USP54: variants seen among roughly 807,000 people sequenced by gnomAD.
The protein encoded by USP54 is ubiquitin carboxyl-terminal hydrolase 54.
In USP54, 87 loss-of-function variants were observed where a neutral mutation model predicts 170.5. The observed-to-expected ratio is 0.51, with a 90% CI of 0.43 to 0.61. The LOEUF (loss-of-function observed/expected upper bound fraction) is 0.61. Ranked by LOEUF, USP54 falls within the 20% of genes least tolerant of loss-of-function variation. The probability of loss-of-function intolerance (pLI) is 0.00; values close to 1 mark genes in which losing one functional copy is unlikely to be tolerated. For missense variants in USP54, 1,786 were observed against 2,047.8 expected (o/e 0.87, Z 2.47); for synonymous variants, 655 against 742.8 (o/e 0.88, Z 1.92).
chr10:73,579,675 T>G (rs1409954027), intron 1 of USP54, among the ~76,000 whole-genome samples: 2 of 151,996 alleles, frequency 1.3e-5, no homozygotes, highest in African/African-American at 4.8e-5. Flanking sequence ...GAGAATCGCT[T>G]GAACCCGGGA....
At chr10:73,539,859 C>G (rs908880196) in intron 9 of USP54, among the ~76,000 whole-genome samples, 1 of 152,144 alleles carries the variant, frequency 6.6e-6, no homozygotes, top group Admixed American at 6.5e-5. Context: ...AGTGTGGTGG[C>G]TCACGCCTGT....
At chr10:73,515,021 C>T (rs2060832811) in intron 20 of USP54, among the ~76,000 whole-genome samples, 1 of 150,600 alleles carries the variant, frequency 6.6e-6, no homozygotes, top group African/African-American at 2.4e-5. Context: ...GCCTGGGCAA[C>T]AGGAGTGCAA....
rs566608389 is a variant in USP54, at chr10:73,541,932, C to A, written c.573-194G>T. 4.7e-4 allele frequency: 276 copies of A among 586,368 alleles called. 1 individual carries two copies. In the South Asian group the frequency reaches 5.3e-3, roughly 11 times the overall value. 36.3% of individuals were successfully genotyped at this position (586,368 alleles called of 1,614,324 possible). On this transcript the variant is annotated intron_variant, in intron 7 of 23. Coordinates refer to ENST00000687698, the MANE Select transcript of USP54 (RefSeq NM_001391956.1). ...TCCCCAGATCCAAAGCTCATAGAAT[C>A]CCCACTCCTCCTCCCACTTTGCTGG...
rs2074300404 is a variant in USP54, at chr10:73,568,312, TC to T, written c.240+3108del. Among the ~76,000 whole-genome samples, 2 of 152,202 alleles carry T rather than the reference TC, an allele frequency of 1.3e-5. 1 individual carries two copies. Among genetic ancestry groups the T allele is most frequent in the Admixed American group, 1.3e-4 (2 of 15,278 alleles). On this transcript the variant is annotated intron_variant, in intron 4 of 23. Coordinates refer to ENST00000687698, the MANE Select transcript of USP54 (RefSeq NM_001391956.1). ...AGTTTACTCCTTCATATGTTTATCA[TC>T]CTTTCCCTTCTCTCAGAAAATGAAG...
At position 73,545,530 on chromosome 10, in the gene USP54, G is replaced by A. The variant is rs140688721; in HGVS notation, c.375+8C>T. ...CCATATCAAAGAGGGCCAGAGGCCAGCACTTACAAAGCACTCTGCAGCATC... is the reference window on the plus strand; with the variant it reads ...CCATATCAAAGAGGGCCAGAGGCCAACACTTACAAAGCACTCTGCAGCATC... On this transcript the variant is annotated splice_region_variant and intron_variant, in intron 5 of 23. Transcript: ENST00000687698. 3.6e-5 allele frequency: 58 copies of A among 1,613,944 alleles called. No individual in the cohort carries two copies. The highest frequency in any genetic ancestry group is 4.2e-5 in the Non-Finnish European group (50 of 1,179,856).
At chr10:73,536,207 G>A in intron 11 of USP54, 62 bp downstream of exon 11, 1 of 1,582,704 alleles carries the variant, frequency 6.3e-7, no homozygotes, top group Middle Eastern at 1.7e-4. Context: ...TTAACTATGA[G>A]TCCCAACTGT....
intron 10 of USP54, among the ~76,000 whole-genome samples, chr10:73,537,055 A>G (rs993956543): frequency 6.6e-5 from 10 of 152,228 alleles, no homozygotes; most frequent in Admixed American, 6.5e-4. Context: ...CACAGAATCA[A>G]TTCAACCCAA....
intron 4 of USP54, among the ~76,000 whole-genome samples, chr10:73,560,226 A>G (rs2072508962): frequency 6.6e-6 from 1 of 152,208 alleles, no homozygotes; most frequent in Admixed American, 6.5e-5. Context: ...ACAGAATACC[A>G]GATAAATGCT....
chr10:73,580,625 C>A (rs542317346), intron 1 of USP54, among the ~76,000 whole-genome samples: 1 of 151,968 alleles, frequency 6.6e-6, no homozygotes, highest in Non-Finnish European at 1.5e-5. Context: ...CAGGCTGGAG[C>A]GCAATGGTGT....
rs368383413 is a variant in USP54 at position 73,530,504 on chromosome 10, C to T, written c.1467G>A (p.Lys489=). Residue 489 remains lysine (K), a synonymous_variant, in exon 14 of 24, where the codon AAG becomes AAA. Coordinates refer to ENST00000687698, the MANE Select transcript of USP54 (RefSeq NM_001391956.1). ...YHSEGETLKE[K]QAPRNASKPS... is the part of the protein sequence containing the mutation. ...GTTTGGAGGCATTTCTAGGAGCCTG[C>T]TTCTCTTTCAGTGTTTCTCCTAAAA... The T allele has an allele frequency of 6.2e-7, 1 of 1,609,098 alleles. No individual in the cohort carries two copies. Among genetic ancestry groups the T allele is most frequent in the Non-Finnish European group, 8.5e-7 (1 of 1,178,542 alleles).
chr10:73,546,800 A>G (rs912309115), intron 4 of USP54, among the ~76,000 whole-genome samples: 8 of 152,040 alleles, frequency 5.3e-5, no homozygotes, highest in Admixed American at 2.0e-4. Context: ...ACCCACATCT[A>G]TTTATCCATT....
At chr10:73,623,962 AGAGCTTGTTATTG>A (rs1391071339) in intron 1 of USP54, among the ~76,000 whole-genome samples, 1 of 151,938 alleles carries the variant, frequency 6.6e-6, no homozygotes, top group Admixed American at 6.6e-5. Context: ...GGAGTTCAGT[AGAGCTTGTTATTG>A]GATTCATGCA....
chr10:73,619,025 C>T (rs1015319473), intron 1 of USP54, among the ~76,000 whole-genome samples: 3 of 149,866 alleles, frequency 2.0e-5, no homozygotes, highest in Non-Finnish European at 4.4e-5. Context: ...CCAGCCTAGC[C>T]AACGTGGTGA....
In USP54 at chr10:73,504,984, G is replaced by T; in HGVS notation, c.4177C>A (p.Pro1393Thr). ...CACTCCCTGCTGAGGCCTCGGCAAG[G>T]TGTAGCCTTCAAACACACAGACACA... is the stretch of plus-strand genomic sequence containing the variant. ...ARTVRTSQAT[P>T]CRGLSRECGE... is the part of the protein sequence containing the mutation. The change falls in exon 22 of 24, where the codon CCT becomes ACT. Residue 1393 changes from proline (P) to threonine (T), a missense_variant. Transcript: ENST00000687698. 1 of 1,614,098 alleles carries T rather than the reference G, an allele frequency of 6.2e-7. No individual in the cohort carries two copies. The highest frequency in any genetic ancestry group is 8.5e-7 in the Non-Finnish European group (1 of 1,180,014).
Position 73,529,770 on chromosome 10 carries a change from C to A in USP54, c.1970G>T (p.Arg657Leu), listed in dbSNP as rs199597128. The change falls in exon 15 of 24, where the codon CGA becomes CTA. Residue 657 changes from arginine to leucine, a missense_variant. This residue lies in a region of USP54 where 1,418 missense variants were observed against 1,569.0 expected (regional missense o/e 0.90). Transcript: ENST00000687698. The stretch of plus-strand genomic sequence containing the variant: ...ACTGCTTTCATAGCCAGATTCCATT[C>A]GCTGGATTAGTCGGGGGTGCTGCTC... Reference protein sequence around the residue: ...LLEQHPRLIQRMESGYESSER... With the variant: ...LLEQHPRLIQLMESGYESSER... The A allele has an allele frequency of 2.5e-6, 4 of 1,614,004 alleles. No homozygotes were observed. The highest frequency in any genetic ancestry group is 3.4e-6 in the Non-Finnish European group (4 of 1,179,892).
chr10:73,504,525 T>C (rs946928970), intron 22 of USP54: 2 of 267,444 alleles, frequency 7.5e-6, no homozygotes, highest in African/African-American at 2.2e-5. Flanking sequence ...TCTTTCCTTC[T>C]TTCTTTGATT....
intron 4 of USP54, among the ~76,000 whole-genome samples, chr10:73,556,404 T>C (rs1414576456): frequency 6.6e-6 from 1 of 150,854 alleles, no homozygotes; most frequent in Non-Finnish European, 1.5e-5. Flanking sequence ...AATCATGCAG[T>C]GGCACCATTT....
chr10:73,545,612 T>G lies in USP54; in HGVS notation c.301A>C (p.Ser101Arg). 3 of 1,614,224 alleles carry G rather than the reference T, an allele frequency of 1.9e-6. No individual in the cohort carries two copies. Among genetic ancestry groups the G allele is most frequent in the Non-Finnish European group, 2.5e-6 (3 of 1,180,042 alleles). ...TCCTGGAAAGTCTTTGCCAGAGCAC[T>G]GCGGAGAGTGTCAGATGGAAGCACT... ...EKVLPSDTLR[S>R]ALAKTFQDEQ... The change falls in exon 5 of 24, where the codon AGT becomes CGT. Residue 101 changes from serine (S) to arginine (R), a missense_variant. Around this residue, in one of 3 missense-constraint regions of USP54, gnomAD observed 361 missense variants for 455.0 expected, o/e 0.79. Coordinates refer to ENST00000687698, the MANE Select transcript of USP54 (RefSeq NM_001391956.1).
At chr10:73,593,414 G>C (rs988542649), upstream of USP54, among the ~76,000 whole-genome samples, 1 of 148,280 alleles carries the variant, frequency 6.7e-6, no homozygotes, top group Non-Finnish European at 1.5e-5. Context: ...AAAATAGAAA[G>C]AAAAGGTTTT....
Sources: allele counts gnomAD v4.1 joint callset (sites outside exome capture counted in the v4.1 genomes callset), GRCh38; gene constraint gnomAD v4.1.1; regional missense constraint gnomAD v4.1.1; transcripts MANE v1.5; gene names NCBI Gene and HGNC (gene_info 2026-07-23, HGNC 2026-07-21).